Variants in SMC6 observed in about 807,000 individuals in gnomAD.
The protein encoded by SMC6 is structural maintenance of chromosomes protein 6.
A neutral mutation model predicts 142.2 loss-of-function variants in SMC6; 79 were observed. The observed-to-expected ratio is 0.56, with a 90% confidence interval of 0.46 to 0.67. The LOEUF (loss-of-function observed/expected upper bound fraction) is 0.67. Ranked by LOEUF, SMC6 falls within the 30% of genes least tolerant of loss-of-function variation. SMC6 has a pLI of 0.00. For missense variants in SMC6, 1,072 were observed against 1,284.0 expected, an observed-to-expected ratio of 0.83 and a Z score of 2.52; for synonymous variants, 411 against 412.4, an observed-to-expected ratio of 1.00 and a Z score of 0.04.
chr2:17,727,836 T>C (rs1469539712), intron 7 of SMC6, among the ~76,000 whole-genome samples: 2 of 152,204 alleles, frequency 1.3e-5, no homozygotes, highest in East Asian at 1.9e-4. Context: ...AAGTACGATG[T>C]TGGGCCTCTC....
chr2:17,666,522 A>T lies in SMC6; in HGVS notation c.3064-5T>A. ...AATTCTCCTATTAACCATATCCTGAAAAACAAAGGCAAAAGTTAGGATTGC... is the reference window on the plus strand; with the variant it reads ...AATTCTCCTATTAACCATATCCTGATAAACAAAGGCAAAAGTTAGGATTGC... On this transcript the variant is annotated splice_polypyrimidine_tract_variant and splice_region_variant and intron_variant, in intron 26 of 27. Transcript: ENST00000448223. 2 of 1,608,826 alleles carry T rather than the reference A, an allele frequency of 1.2e-6. No homozygotes were observed. Among genetic ancestry groups the T allele is most frequent in the South Asian group, 2.2e-5 (2 of 90,724 alleles).
chr2:17,686,302 T>C (rs1469181190), intron 23 of SMC6, among the ~76,000 whole-genome samples: 5 of 152,058 alleles, frequency 3.3e-5, no homozygotes, highest in Admixed American at 1.3e-4. Flanking sequence ...GCCAACATGG[T>C]AAAACCCTGT....
intron 9 of SMC6, 144 bp downstream of exon 9, chr2:17,725,110 CACT>C: frequency 1.8e-6 from 1 of 566,416 alleles, no homozygotes; most frequent in South Asian, 2.5e-5. Flanking sequence ...GGAATATAAA[CACT>C]ACATTGCATA....
chr2:17,738,129 C>T (rs1670246991), intron 5 of SMC6, 92 bp downstream of exon 5: 1 of 909,030 alleles, frequency 1.1e-6, no homozygotes. Context: ...GAAGGCACTT[C>T]ATTTCCAGTC....
At chr2:17,705,634 C>T (rs7571131) in intron 18 of SMC6, among the ~76,000 whole-genome samples, 47,503 of 152,064 alleles carry the variant, frequency 0.31, 7,962 homozygotes, top group African/African-American at 0.35. Context: ...AAAATGAAAA[C>T]CAACAAAATA....
chr2:17,690,643 A>T lies in SMC6; in HGVS notation c.2678+4509T>A, dbSNP rs578113823. Among the ~76,000 whole-genome samples, 3 of 152,242 alleles carry T rather than the reference A, an allele frequency of 2.0e-5. No individual in the cohort carries two copies. In the East Asian group the frequency reaches 5.8e-4, roughly 29 times the overall value. ...AAACAAAAAAAAACTCCCTGTGAAT[A>T]TATTATCACAAAATTAATTTAATTT... On this transcript the variant is annotated intron_variant, in intron 23 of 27. Coordinates refer to ENST00000448223, the MANE Select transcript of SMC6 (RefSeq NM_001142286.2).
At chr2:17,683,885 T>C (rs918321860) in intron 23 of SMC6, 122 bp from the exon 24 acceptor site, 4 of 829,856 alleles carry the variant, frequency 4.8e-6, no homozygotes, top group African/African-American at 3.5e-5. Flanking sequence ...GGGGGCCTAG[T>C]AGCAGTCAAT....
intron 26 of SMC6, among the ~76,000 whole-genome samples, chr2:17,667,386 A>C (rs1170296091): frequency 6.6e-6 from 1 of 152,198 alleles, no homozygotes; most frequent in African/African-American, 2.4e-5. Context: ...GACAAAGAAT[A>C]ATGCTTCGTT....
At chr2:17,753,428 G>T (rs148622591) in intron 1 of SMC6, among the ~76,000 whole-genome samples, 198 bp downstream of exon 1, 3,987 of 86,182 alleles carry the variant, frequency 0.046, 81 homozygotes, top group Non-Finnish European at 0.068. Context: ...CGGAGAGCGC[G>T]CGAAGGTGCC....
At chr2:17,685,566 A>G (rs1263758401) in intron 23 of SMC6, among the ~76,000 whole-genome samples, 1 of 152,186 alleles carries the variant, frequency 6.6e-6, no homozygotes, top group Non-Finnish European at 1.5e-5. Flanking sequence ...GTGGAAAAAG[A>G]CAAAATCTAT....
At position 17,720,977 on chromosome 2, in the gene SMC6, C is replaced by T. The variant is rs369105254; in HGVS notation, c.908G>A (p.Arg303His). The change falls in exon 11 of 28, where the codon CGT (arginine) becomes CAT (histidine). Residue 303 changes from arginine (R) to histidine (H), a missense_variant. Physicochemically the swap from Arg to His is conservative, Grantham distance 29. This residue lies in a region of SMC6 where 994 missense variants were observed against 1,153.2 expected (regional missense o/e 0.86). Transcript: ENST00000448223. ...IRDNIKIGED[R>H]AARLDRKMEE... ...CATTTTCCTGTCAAGTCTAGCAGCA[C>T]GATCTTCTCCAATTTTGATATTATC... is the stretch of plus-strand genomic sequence containing the variant. 12 of 1,613,470 alleles carry T rather than the reference C, an allele frequency of 7.4e-6. No homozygotes were observed. Among genetic ancestry groups the T allele is most frequent in the East Asian group, 2.2e-5 (1 of 44,838 alleles).
intron 25 of SMC6, 108 bp from the exon 26 acceptor site, chr2:17,670,683 G>A (rs1666713124): frequency 9.0e-7 from 1 of 1,108,270 alleles, no homozygotes; most frequent in Non-Finnish European, 1.2e-6. Flanking sequence ...AAGGAGATGG[G>A]AATAAAATGA....
chr2:17,678,719 T>G, intron 25 of SMC6, 140 bp downstream of exon 25: 18 of 591,240 alleles, frequency 3.0e-5, no homozygotes, highest in East Asian at 6.0e-5. Context: ...AAGGTTACAG[T>G]GAGCTATGAT....
At chr2:17,725,716 A>G (rs939011564) in intron 8 of SMC6, among the ~76,000 whole-genome samples, 23 of 152,310 alleles carry the variant, frequency 1.5e-4, no homozygotes, top group African/African-American at 4.8e-4. Flanking sequence ...TAGAGTAAGA[A>G]ATACCAAAAC....
intron 15 of SMC6, among the ~76,000 whole-genome samples, chr2:17,715,458 T>C (rs1189478618): frequency 1.3e-5 from 2 of 151,852 alleles, no homozygotes; most frequent in East Asian, 3.9e-4. Context: ...AAAAAAAGCC[T>C]CATCCTTTGA....
intron 26 of SMC6, 109 bp downstream of exon 26, chr2:17,670,314 C>T (rs931977062): frequency 7.1e-6 from 8 of 1,121,870 alleles, no homozygotes; most frequent in Non-Finnish European, 1.0e-5. Flanking sequence ...AGAGTCAGGG[C>T]AGGATCTTTC....
At chr2:17,724,699 T>A (rs1451162171) in intron 9 of SMC6, among the ~76,000 whole-genome samples, 1 of 152,172 alleles carries the variant, frequency 6.6e-6, no homozygotes, top group Non-Finnish European at 1.5e-5. Flanking sequence ...CATGAGTGAT[T>A]TAAAGCGCAA....
rs1323650436 is a variant in SMC6 at position 17,731,176 on chromosome 2, T to G, written c.482-37A>C. ...AAACATATGAAATAACCAAACTGTT[T>G]CTAGGGCATAACACAGAAAAAATGT... On this transcript the variant is annotated intron_variant, in intron 6 of 27. Transcript: ENST00000448223. 3.5e-6 allele frequency: 5 copies of G among 1,443,332 alleles called. No homozygotes were observed. The Admixed American group carries it at 9.2e-5, about 26-fold the overall frequency. 89.4% of individuals were successfully genotyped at this position (1,443,332 alleles called of 1,614,324 possible).
At chr2:17,743,298 C>T (rs559305133) in intron 3 of SMC6, among the ~76,000 whole-genome samples, 38 of 152,156 alleles carry the variant, frequency 2.5e-4, no homozygotes, top group African/African-American at 8.9e-4. Context: ...CTGTCTAATC[C>T]GTGAGTAAGT....
Sources: gnomAD v4.1 joint callset for allele counts (sites outside exome capture counted in the v4.1 genomes callset) on GRCh38, gnomAD v4.1.1 for gene constraint, gnomAD v4.1.1 regional missense constraint, MANE v1.5 for transcripts, NCBI Gene and HGNC (gene_info 2026-07-23, HGNC 2026-07-21) for gene names.